The following MOSPD1 variants were observed in gnomAD, a reference collection of about 807,000 sequenced individuals.
MOSPD1 encodes the protein motile sperm domain containing 1.
MOSPD1 carries 5 observed loss-of-function variants against 16.7 expected under a neutral mutation model. That is an observed-to-expected ratio of 0.30 (90% CI 0.16 to 0.63). MOSPD1 has a LOEUF of 0.63. Among genes scored for constraint, MOSPD1 ranks in the 30% least tolerant of loss-of-function variants. The pLI is 0.82. For missense variants in MOSPD1, 104 were observed against 153.6 expected (o/e 0.68, Z 1.71); for synonymous variants, 67 against 59.2 (o/e 1.13, Z -0.61).
intron 4 of MOSPD1, among the ~76,000 whole-genome samples, chrX:134,893,786 T>C (rs759729736): frequency 8.9e-6 from 1 of 111,808 alleles, no homozygotes. Flanking sequence ...CTTGTAAATG[T>C]CTGCCTGGCA....
chrX:134,903,460 C>T (rs1368060265), intron 1 of MOSPD1, among the ~76,000 whole-genome samples: 2 of 110,151 alleles, frequency 1.8e-5, no homozygotes, highest in Non-Finnish European at 3.8e-5. Context: ...GCCTGTAATC[C>T]TAGTGCTTTG....
At chrX:134,899,242 C>A in intron 2 of MOSPD1, 38 bp downstream of exon 2, 1 of 1,177,649 alleles carries the variant, frequency 8.5e-7, no homozygotes. Flanking sequence ...TTAGTAGGGA[C>A]CAGTTAAAAA....
At chrX:134,908,930 T>C (rs2082956639) in intron 1 of MOSPD1, among the ~76,000 whole-genome samples, 1 of 112,099 alleles carries the variant, frequency 8.9e-6, no homozygotes, top group Admixed American at 9.5e-5. Context: ...GAAACCACTT[T>C]CATAGCATTT....
At chrX:134,902,133 C>T (rs2148396142) in intron 1 of MOSPD1, among the ~76,000 whole-genome samples, 1 of 111,381 alleles carries the variant, frequency 9.0e-6, no homozygotes, top group Admixed American at 9.6e-5. Context: ...AGCCTGGCGC[C>T]ATGGTGGCTC....
intron 1 of MOSPD1, among the ~76,000 whole-genome samples, chrX:134,901,665 A>G (rs774480152): frequency 8.7e-4 from 97 of 111,076 alleles, no homozygotes; most frequent in African/African-American, 3.0e-3. Context: ...AAGAAAGGCC[A>G]GGAGTTGATA....
rs750863343 is a variant in MOSPD1 at position 134,896,843 on chromosome X, A to G, written c.422T>C (p.Leu141Ser). ...TGGTTGAAACGACTGCTCAAAAAAT[A>G]AACTTTCAGTTAAATGTTCCTTTAA... ...KRLKEHLTES[L>S]FFEQSFQPEN... The change falls in exon 4 of 6, where the codon TTA becomes TCA. Residue 141 changes from leucine to serine, a missense_variant. Coordinates refer to ENST00000370783, the MANE Select transcript of MOSPD1 (RefSeq NM_019556.3). 2.3e-5 allele frequency: 28 copies of G among 1,209,439 alleles called. No homozygotes were observed. The highest frequency in any genetic ancestry group is 3.4e-6 in the Non-Finnish European group (3 of 894,581).
intron 5 of MOSPD1, among the ~76,000 whole-genome samples, chrX:134,889,788 G>A (rs2082852564): frequency 1.8e-5 from 2 of 111,645 alleles, no homozygotes; most frequent in Non-Finnish European, 3.8e-5. Flanking sequence ...AGATGGACAG[G>A]GGCTAGGCAT....
rs768263401 is a variant in MOSPD1, at chrX:134,912,299, C to T, written c.-102+2883G>A. On this transcript the variant is annotated intron_variant, in intron 1 of 5. Coordinates refer to ENST00000370783, the MANE Select transcript of MOSPD1 (RefSeq NM_019556.3). ...CCAACCTCAGGTGATCCGCCTGCCT[C>T]GGCCTCCCAAAGCTCTGGGATCACA... Among the ~76,000 whole-genome samples, 6 of 111,574 alleles carry T rather than the reference C, an allele frequency of 5.4e-5. No individual in the cohort carries two copies. In the East Asian group the frequency reaches 1.7e-3, roughly 32 times the overall value.
chrX:134,899,834 T>C (rs2082903757), intron 1 of MOSPD1: 1 of 113,846 alleles, frequency 8.8e-6, no homozygotes, highest in Non-Finnish European at 1.8e-5. Context: ...GACATGCCTG[T>C]AGTCTCAGCT....
chrX:134,893,966 T>C (rs1381108413), intron 4 of MOSPD1, among the ~76,000 whole-genome samples: 1 of 111,992 alleles, frequency 8.9e-6, no homozygotes, highest in African/African-American at 3.2e-5. Flanking sequence ...ATAATGTAAT[T>C]AAGACAAACC....
chrX:134,913,422 T>C (rs2082983361), intron 1 of MOSPD1, among the ~76,000 whole-genome samples: 1 of 111,808 alleles, frequency 8.9e-6, no homozygotes, highest in Non-Finnish European at 1.9e-5. Context: ...ATATATTCCA[T>C]TTTAAACTTC....
chrX:134,905,111 G>A (rs1489341771), intron 1 of MOSPD1, among the ~76,000 whole-genome samples: 2 of 110,516 alleles, frequency 1.8e-5, no homozygotes, highest in East Asian at 2.8e-4. Flanking sequence ...TGTAATCCCA[G>A]CACTTTGGGA....
chrX:134,913,242 G>A (rs1038045613), intron 1 of MOSPD1, among the ~76,000 whole-genome samples: 4 of 110,482 alleles, frequency 3.6e-5, no homozygotes, highest in Non-Finnish European at 7.6e-5. Context: ...GGGCATGGTG[G>A]TGCACTCCTG....
At chrX:134,909,290 G>C (rs781687795) in intron 1 of MOSPD1, among the ~76,000 whole-genome samples, 1 of 110,956 alleles carries the variant, frequency 9.0e-6, no homozygotes, top group East Asian at 2.9e-4. Flanking sequence ...AAAGAAAGAG[G>C]AGGCTGCAAG....
At chrX:134,914,352 T>C (rs2082987725) in intron 1 of MOSPD1, among the ~76,000 whole-genome samples, 1 of 111,459 alleles carries the variant, frequency 9.0e-6, no homozygotes, top group East Asian at 2.8e-4. Flanking sequence ...CCGCAGAACA[T>C]TGATTAAGGG....
At chrX:134,909,639 G>A (rs1054943792) in intron 1 of MOSPD1, among the ~76,000 whole-genome samples, 1 of 112,096 alleles carries the variant, frequency 8.9e-6, no homozygotes, top group Non-Finnish European at 1.9e-5. Flanking sequence ...AAACTCAGTT[G>A]GCCTCCTCTG....
chrX:134,893,010 T>C (rs754794563), intron 4 of MOSPD1, among the ~76,000 whole-genome samples: 1 of 112,046 alleles, frequency 8.9e-6, no homozygotes, highest in East Asian at 2.8e-4. Flanking sequence ...GCATTTTCTG[T>C]CATATGGCTT....
intron 4 of MOSPD1, among the ~76,000 whole-genome samples, chrX:134,892,625 G>C (rs1324517335): frequency 1.8e-5 from 2 of 112,397 alleles, no homozygotes; most frequent in South Asian, 7.4e-4. Flanking sequence ...GGCTGGGCAC[G>C]GCTCACGCCT....
chrX:134,896,720 A>G, intron 4 of MOSPD1, 97 bp downstream of exon 4: 1 of 619,234 alleles, frequency 1.6e-6, no homozygotes, highest in Non-Finnish European at 2.5e-6. Flanking sequence ...TTGAAGTGGT[A>G]GATGATTTTT....
Sources: allele counts gnomAD v4.1 joint callset (sites outside exome capture counted in the v4.1 genomes callset), GRCh38; gene constraint gnomAD v4.1.1; transcripts MANE v1.5; gene names NCBI Gene and HGNC (gene_info 2026-07-23, HGNC 2026-07-21).